The following GREB1 variants were observed in gnomAD, a reference collection of about 807,000 sequenced individuals.
GREB1 encodes growth regulating estrogen receptor binding 1.
In GREB1, 106 loss-of-function variants were observed where a neutral mutation model predicts 200.7. The observed-to-expected ratio is 0.53, with a 90% CI of 0.45 to 0.62. GREB1 has a LOEUF of 0.62. GREB1 is among the 20% of genes least tolerant of loss of function. The probability of loss-of-function intolerance (pLI) is 0.00; values close to 1 mark genes in which losing one functional copy is unlikely to be tolerated. For missense variants in GREB1, 2,243 were observed against 2,556.8 expected (o/e 0.88, Z 2.65); for synonymous variants, 1,132 against 1,092.4 (o/e 1.04, Z -0.72).
At chr2:11,595,751 T>C (rs1016534764) in intron 12 of GREB1, among the ~76,000 whole-genome samples, 2 of 152,166 alleles carry the variant, frequency 1.3e-5, no homozygotes, top group African/African-American at 4.8e-5. Context: ...TGCTCTGGGC[T>C]GTGAGCATCC....
intron 23 of GREB1, among the ~76,000 whole-genome samples, chr2:11,622,969 A>G (rs1036423503): frequency 6.6e-6 from 1 of 152,248 alleles, no homozygotes; most frequent in Non-Finnish European, 1.5e-5. Context: ...AAAATGGAAT[A>G]TGTGTCAAGA....
chr2:11,517,774 C>T (rs1673557069), intron 1 of GREB1, among the ~76,000 whole-genome samples: 1 of 152,164 alleles, frequency 6.6e-6, no homozygotes, highest in Non-Finnish European at 1.5e-5. Context: ...GCCTCAGCCT[C>T]CCGAGTAGCT....
At position 11,615,283 on chromosome 2, in the gene GREB1, G is replaced by A. The variant is rs374050575; in HGVS notation, c.3315G>A (p.Gly1105=). ...SSTDNEDEEL[G]TEGSTSEKRS... is the part of the protein sequence containing the mutation. ...CAGACAACGAGGATGAGGAGCTGGGGACAGAAGGTGAGGGATGGCTGCCCT... is the reference window on the plus strand; with the variant it reads ...CAGACAACGAGGATGAGGAGCTGGGAACAGAAGGTGAGGGATGGCTGCCCT... Residue 1105 remains glycine, a synonymous_variant, in exon 20 of 33, where the codon GGG becomes GGA. Coordinates refer to ENST00000381486, the MANE Select transcript of GREB1 (RefSeq NM_014668.4). The A allele has an allele frequency of 6.3e-7, 1 of 1,582,316 alleles. No individual in the cohort carries two copies. Among genetic ancestry groups the A allele is most frequent in the Non-Finnish European group, 8.6e-7 (1 of 1,163,098 alleles).
intron 1 of GREB1, among the ~76,000 whole-genome samples, chr2:11,502,215 C>A (rs951887609): frequency 6.7e-6 from 1 of 149,634 alleles, no homozygotes; most frequent in African/African-American, 2.5e-5. Context: ...CCACGCCTGG[C>A]CCTCTTTTTT....
chr2:11,576,326 A>G, intron 4 of GREB1, 27 bp from the exon 5 acceptor site: 2 of 1,525,070 alleles, frequency 1.3e-6, no homozygotes, highest in Non-Finnish European at 8.9e-7. Context: ...AAAAAGAAAG[A>G]TGTTTATGGT....
intron 15 of GREB1, among the ~76,000 whole-genome samples, chr2:11,599,399 G>A (rs1425346097): frequency 6.6e-6 from 1 of 151,170 alleles, no homozygotes; most frequent in African/African-American, 2.4e-5. Context: ...GAGTGCAGTG[G>A]TGCGATCTCG....
chr2:11,592,165 T>C (rs960420965), intron 10 of GREB1: 38 of 929,310 alleles, frequency 4.1e-5, no homozygotes, highest in Non-Finnish European at 4.7e-5. Context: ...CTATGGGAAT[T>C]TGGCTTCCTA....
At chr2:11,573,132 A>G (rs1678481853) in intron 4 of GREB1, among the ~76,000 whole-genome samples, 1 of 152,188 alleles carries the variant, frequency 6.6e-6, no homozygotes, top group Non-Finnish European at 1.5e-5. Context: ...TCAGACATCC[A>G]GGCTTATGCA....
intron 15 of GREB1, among the ~76,000 whole-genome samples, chr2:11,599,174 G>A (rs1041981862): frequency 6.6e-6 from 1 of 152,110 alleles, no homozygotes. Context: ...ATCACAGCCT[G>A]ATGCCTGATG....
At chr2:11,502,031 C>T (rs1347426769) in intron 1 of GREB1, among the ~76,000 whole-genome samples, 3 of 149,502 alleles carry the variant, frequency 2.0e-5, no homozygotes, top group Non-Finnish European at 4.4e-5. Context: ...GTTCTCCTGC[C>T]TCAGCCTCCT....
intron 4 of GREB1, among the ~76,000 whole-genome samples, chr2:11,572,872 G>A (rs1041870855): frequency 6.6e-6 from 1 of 152,072 alleles, no homozygotes; most frequent in Non-Finnish European, 1.5e-5. Context: ...CCATGGATGG[G>A]TTTCTGTTTC....
intron 2 of GREB1, among the ~76,000 whole-genome samples, chr2:11,557,491 A>G (rs1676543348): frequency 6.6e-6 from 1 of 152,210 alleles, no homozygotes; most frequent in Non-Finnish European, 1.5e-5. Flanking sequence ...AATAAACTAG[A>G]ATTAACGAAG....
At chr2:11,572,392 C>CT (rs1678401707) in intron 4 of GREB1, among the ~76,000 whole-genome samples, 1 of 152,168 alleles carries the variant, frequency 6.6e-6, no homozygotes, top group Admixed American at 6.5e-5. Flanking sequence ...GGGAGTGGCC[C>CT]CAGCAGTAAA....
At chr2:11,511,882 A>C (rs1340311544) in intron 1 of GREB1, among the ~76,000 whole-genome samples, 1 of 152,160 alleles carries the variant, frequency 6.6e-6, no homozygotes, top group Non-Finnish European at 1.5e-5. Context: ...TGCCTGGCCC[A>C]GCGCTGGTCC....
chr2:11,569,066 G>A (rs142144963), intron 4 of GREB1, among the ~76,000 whole-genome samples: 2 of 152,246 alleles, frequency 1.3e-5, no homozygotes, highest in East Asian at 1.9e-4. Flanking sequence ...ACTTGTTTTT[G>A]TGACTTTTAA....
intron 1 of GREB1, among the ~76,000 whole-genome samples, chr2:11,555,897 G>GA (rs1016541751): frequency 6.6e-6 from 1 of 152,088 alleles, no homozygotes; most frequent in Non-Finnish European, 1.5e-5. Context: ...AGTTGCTACA[G>GA]AAAAAAAGTC....
rs1679106375 is a variant in GREB1 at position 11,578,401 on chromosome 2, C to A, written c.742C>A (p.Pro248Thr). Reference protein sequence around the residue: ...FPSEPVPGTNPSILMGAQQAG... With the variant: ...FPSEPVPGTNTSILMGAQQAG... ...CAGCGAGCCCGTTCCTGGGACGAACCCCAGCATCCTGATGGGAGCTCAGCA... is the reference window on the plus strand; with the variant it reads ...CAGCGAGCCCGTTCCTGGGACGAACACCAGCATCCTGATGGGAGCTCAGCA... The change falls in exon 6 of 33, where the codon CCC (proline) becomes ACC (threonine). Residue 248 changes from proline to threonine, a missense_variant. By Grantham distance (38) the Pro-to-Thr change is conservative. Around this residue, in one of 3 missense-constraint regions of GREB1, gnomAD observed 1,178 missense variants for 1,387.4 expected, o/e 0.85. Transcript: ENST00000381486. 6.2e-7 allele frequency: 1 copy of A among 1,613,876 alleles called. No homozygotes were observed.
chr2:11,567,025 A>G (rs1677743819), intron 4 of GREB1, among the ~76,000 whole-genome samples: 1 of 152,176 alleles, frequency 6.6e-6, no homozygotes, highest in African/African-American at 2.4e-5. Context: ...TGCTGCTTCC[A>G]GAATGTTCTG....
In GREB1 at chr2:11,580,041, G is replaced by A. The variant is rs573950766; in HGVS notation, c.773-663G>A. Among the ~76,000 whole-genome samples, 6 of 152,344 alleles carry A rather than the reference G, an allele frequency of 3.9e-5. No homozygotes were observed. Among genetic ancestry groups the A allele is most frequent in the African/African-American group, 9.6e-5 (4 of 41,574 alleles). On this transcript the variant is annotated intron_variant, in intron 6 of 32. Coordinates refer to ENST00000381486, the MANE Select transcript of GREB1 (RefSeq NM_014668.4). The surrounding 1 kb of genome is among the most constrained non-coding windows in gnomAD (Gnocchi z 4.5). ...AAAGGCAAAGGAGAAGCAAAGGCAC[G>A]TCTTACATGATGGCAGTCAAGAGAG...
Sources: allele counts gnomAD v4.1 joint callset (sites outside exome capture counted in the v4.1 genomes callset), GRCh38; gene constraint gnomAD v4.1.1; regional missense constraint gnomAD v4.1.1; non-coding constraint Gnocchi (gnomAD v3.1); transcripts MANE v1.5; gene names NCBI Gene and HGNC (gene_info 2026-07-23, HGNC 2026-07-21).